The following MS4A4A variants were observed in gnomAD, a reference collection of about 807,000 sequenced individuals.
The protein encoded by MS4A4A is membrane-spanning 4-domains subfamily A member 4A.
MS4A4A carries 26 observed loss-of-function variants against 28.0 expected under a neutral mutation model. That is an observed-to-expected ratio of 0.93 (90% CI 0.68 to 1.29). The LOEUF (loss-of-function observed/expected upper bound fraction) is 1.29. MS4A4A is among the 50% of genes most tolerant of loss of function. MS4A4A has a pLI of 0.00. For missense variants in MS4A4A, 290 were observed against 293.1 expected (o/e 0.99, Z 0.08); for synonymous variants, 86 against 100.8 (o/e 0.85, Z 0.88).
At chr11:60,281,513 C>T (rs1412180512) in intron 1 of MS4A4A, among the ~76,000 whole-genome samples, 1 of 152,170 alleles carries the variant, frequency 6.6e-6, no homozygotes, top group Non-Finnish European at 1.5e-5. Flanking sequence ...GCCTTTCCCC[C>T]TTTTCCCTTC....
At chr11:60,290,143 A>C (rs1430315198) in intron 1 of MS4A4A, 1 of 433,988 alleles carries the variant, frequency 2.3e-6, no homozygotes, top group Non-Finnish European at 4.7e-6. Context: ...CTTTTTGGTG[A>C]TTTCTCCTTT....
intron 1 of MS4A4A, among the ~76,000 whole-genome samples, chr11:60,291,674 T>G (rs2084857062): frequency 6.6e-6 from 1 of 151,854 alleles, no homozygotes; most frequent in South Asian, 2.1e-4. Flanking sequence ...GGCACGCGCC[T>G]GTAGTAACAG....
chr11:60,299,541 C>T (rs566049494), intron 3 of MS4A4A, among the ~76,000 whole-genome samples: 11 of 148,028 alleles, frequency 7.4e-5, no homozygotes, highest in Non-Finnish European at 1.5e-4. Context: ...GGCACGATCT[C>T]GGCTCACTGC....
At chr11:60,281,282 C>CA (rs1278174572) in intron 1 of MS4A4A, among the ~76,000 whole-genome samples, 3 of 152,052 alleles carry the variant, frequency 2.0e-5, no homozygotes, top group African/African-American at 7.2e-5. Flanking sequence ...TGAGGCTGCT[C>CA]ATGATAAAAT....
In MS4A4A at chr11:60,285,107, G is replaced by A. The variant is rs2084792830; in HGVS notation, c.41+4391G>A. Among the ~76,000 whole-genome samples, 4 of 152,076 alleles carry A rather than the reference G, an allele frequency of 2.6e-5. No individual in the cohort carries two copies. In the South Asian group the frequency reaches 8.3e-4, roughly 32 times the overall value. On this transcript the variant is annotated intron_variant, in intron 1 of 6. Transcript: ENST00000337908. Reference sequence around the variant, plus strand: ...TACAAGCAGCCTCTAATCAAGAGTGGCAAGAACTCAACGTAACAGAAACCC... The same window carrying A: ...TACAAGCAGCCTCTAATCAAGAGTGACAAGAACTCAACGTAACAGAAACCC...
At chr11:60,291,476 A>AT (rs1177175043) in intron 1 of MS4A4A, among the ~76,000 whole-genome samples, 4 of 152,218 alleles carry the variant, frequency 2.6e-5, no homozygotes, top group Admixed American at 1.3e-4. Flanking sequence ...TGGAAGGCAG[A>AT]TTAGTTTGTG....
intron 2 of MS4A4A, among the ~76,000 whole-genome samples, chr11:60,292,694 C>T (rs949194405): frequency 1.1e-4 from 16 of 152,180 alleles, no homozygotes; most frequent in African/African-American, 1.9e-4. Flanking sequence ...TACTAGCTGA[C>T]GCCCCCTTTA....
At chr11:60,294,932 C>CTTT (rs1401777285) in intron 2 of MS4A4A, among the ~76,000 whole-genome samples, 1 of 146,548 alleles carries the variant, frequency 6.8e-6, no homozygotes, top group African/African-American at 2.5e-5. Context: ...TCTTCTTCTT[C>CTTT]TTCTTCTTCT....
intron 1 of MS4A4A, among the ~76,000 whole-genome samples, chr11:60,287,401 C>T (rs556597024): frequency 6.6e-6 from 1 of 152,280 alleles, no homozygotes; most frequent in African/African-American, 2.4e-5. Context: ...CCTGTGATAA[C>T]TAACCTTCTC....
intron 5 of MS4A4A, among the ~76,000 whole-genome samples, chr11:60,303,489 C>G (rs1003619243): frequency 6.6e-6 from 1 of 152,146 alleles, no homozygotes; most frequent in Non-Finnish European, 1.5e-5. Context: ...GGGTGGGTCA[C>G]CTGAGGTCAG....
rs562427800 is a variant in MS4A4A at position 60,302,855 on chromosome 11, C to T, written c.546+138C>T. 5 of 842,026 alleles carry T rather than the reference C, an allele frequency of 5.9e-6. No individual in the cohort carries two copies. The South Asian group carries it at 7.2e-5, about 12-fold the overall frequency. The allele number at this position is 842,026 out of a possible 1,614,324, so 52.2% of individuals were successfully genotyped here. A position where few individuals can be genotyped will look rare whatever the true frequency, so the allele number is the denominator to read the frequency against. ...TGGAGTGATTGAGAAATAGAATAATCTTTCATTTAGGAGTTAGGTACATGT... is the reference window on the plus strand; with the variant it reads ...TGGAGTGATTGAGAAATAGAATAATTTTTCATTTAGGAGTTAGGTACATGT... On this transcript the variant is annotated intron_variant, in intron 5 of 6. Transcript: ENST00000337908.
chr11:60,289,019 GCA>G (rs2084826750), intron 1 of MS4A4A, among the ~76,000 whole-genome samples: 1 of 152,194 alleles, frequency 6.6e-6, no homozygotes, highest in African/African-American at 2.4e-5. Context: ...CCTGGCCTCA[GCA>G]GGTAGAGAGT....
In MS4A4A at chr11:60,308,085, T is replaced by C. The variant is rs368813931; in HGVS notation, c.649-22T>C. 321 of 1,613,264 alleles carry C rather than the reference T, an allele frequency of 2.0e-4. 6 individuals carry two copies. The South Asian group carries it at 3.1e-3, about 15-fold the overall frequency. ...TGAGGTGATTTGGGTGACTCACCTT[T>C]GGCATTCTGATTGTTTCACAGGTTG... On this transcript the variant is annotated intron_variant, in intron 6 of 6. Coordinates refer to ENST00000337908, the MANE Select transcript of MS4A4A (RefSeq NM_148975.3).
chr11:60,292,311 T>G lies in MS4A4A; in HGVS notation c.128T>G (p.Met43Arg). ...CCTGGTGTGCCCCAGCTGGGAAACA[T>G]GGCTGTCATACATTCACATCTGTGG... ...AGPGVPQLGN[M>R]AVIHSHLWKG... Residue 43 changes from methionine to arginine, a missense_variant, in exon 2 of 7, where the codon ATG becomes AGG. Met to Arg is a moderately conservative substitution (Grantham distance 91, BLOSUM62 -1). Coordinates refer to ENST00000337908, the MANE Select transcript of MS4A4A (RefSeq NM_148975.3). 6.2e-7 allele frequency: 1 copy of G among 1,610,356 alleles called. No individual in the cohort carries two copies.
chr11:60,304,417 G>A (rs1247966850), intron 5 of MS4A4A, among the ~76,000 whole-genome samples: 1 of 152,172 alleles, frequency 6.6e-6, no homozygotes, highest in African/African-American at 2.4e-5. Flanking sequence ...TTACATAGCT[G>A]GTCCTCCATT....
intron 5 of MS4A4A, among the ~76,000 whole-genome samples, chr11:60,304,090 G>T (rs2084976969): frequency 6.6e-6 from 1 of 152,162 alleles, no homozygotes; most frequent in Non-Finnish European, 1.5e-5. Flanking sequence ...TTCTTTCAAG[G>T]TCTTTCAGTT....
At chr11:60,297,119 T>A (rs2084911846) in intron 2 of MS4A4A, 78 bp from the exon 3 acceptor site, 6 of 1,536,770 alleles carry the variant, frequency 3.9e-6, no homozygotes, top group Non-Finnish European at 5.4e-6. Context: ...TAAGGATAGC[T>A]TAGTGATTGG....
At position 60,297,096 on chromosome 11, in the gene MS4A4A, A is replaced by G. The variant is rs2084911696; in HGVS notation, c.202-101A>G. The G allele has an allele frequency of 5.0e-6, 7 of 1,411,316 alleles. No homozygotes were observed. The Admixed American group carries it at 1.1e-4, about 22-fold the overall frequency. 87.4% of individuals were successfully genotyped at this position (1,411,316 alleles called of 1,614,324 possible). A position where few individuals can be genotyped will look rare whatever the true frequency, so the allele number is the denominator to read the frequency against. ...ATACTAAGAAGGTCATATGACTATC[A>G]AATGAAGGAGAATAAGGATAGCTTA... is the stretch of plus-strand genomic sequence containing the variant. On this transcript the variant is annotated intron_variant, in intron 2 of 6. Transcript: ENST00000337908.
intron 3 of MS4A4A, among the ~76,000 whole-genome samples, chr11:60,297,565 A>C (rs1439948864): frequency 2.0e-5 from 3 of 152,200 alleles, no homozygotes; most frequent in African/African-American, 4.8e-5. Flanking sequence ...GCACATTGCC[A>C]AAGACCCAAA....
Sources: allele counts gnomAD v4.1 joint callset (sites outside exome capture counted in the v4.1 genomes callset), GRCh38; gene constraint gnomAD v4.1.1; transcripts MANE v1.5; gene names NCBI Gene and HGNC (gene_info 2026-07-23, HGNC 2026-07-21).